Variants in CYP7B1 observed in about 807,000 individuals in gnomAD.
CYP7B1 encodes the protein cytochrome P450 7B1.
CYP7B1 carries 29 observed loss-of-function variants against 42.7 expected under a neutral mutation model. The observed-to-expected ratio is 0.68, with a 90% CI of 0.51 to 0.93. CYP7B1 has a LOEUF of 0.93. CYP7B1 is among the 40% of genes least tolerant of loss of function. The pLI is 0.00. For missense variants in CYP7B1, 655 were observed against 600.5 expected, an observed-to-expected ratio of 1.09 and a Z score of -0.95; for synonymous variants, 235 against 218.2, an observed-to-expected ratio of 1.08 and a Z score of -0.68.
At chr8:64,767,695 A>G (rs189192863) in intron 1 of CYP7B1, among the ~76,000 whole-genome samples, 1 of 152,244 alleles carries the variant, frequency 6.6e-6, no homozygotes, top group Non-Finnish European at 1.5e-5. Flanking sequence ...CCTGTGAAGT[A>G]TGCCAAAGAA....
chr8:64,616,095 G>T lies in CYP7B1; in HGVS notation c.446C>A (p.Ser149Tyr), dbSNP rs762965007. The change falls in exon 3 of 6, where the codon TCT becomes TAT. Residue 149 changes from serine (S) to tyrosine (Y), a missense_variant. By Grantham distance (144) the Ser-to-Tyr change is moderately radical. Coordinates refer to ENST00000310193, the MANE Select transcript of CYP7B1 (RefSeq NM_004820.5). ...CATGCTTTCCAAGAGTATGTCCAAA[G>T]ATTTGCCTTGCAAAAATTGATAGCA... ...HLCYQFLQGKSLDILLESMMQ... is the reference protein window; with the variant it reads ...HLCYQFLQGKYLDILLESMMQ... The T allele has an allele frequency of 6.2e-6, 10 of 1,613,550 alleles. No individual in the cohort carries two copies. The highest frequency in any genetic ancestry group is 3.3e-5 in the South Asian group (3 of 91,074).
intron 1 of CYP7B1, among the ~76,000 whole-genome samples, chr8:64,731,763 G>C (rs563951018): frequency 6.6e-6 from 1 of 152,298 alleles, no homozygotes; most frequent in South Asian, 2.1e-4. Context: ...TTTAGATTTG[G>C]TGACATGGTG....
intron 1 of CYP7B1, among the ~76,000 whole-genome samples, chr8:64,674,393 C>G (rs1007687110): frequency 2.1e-4 from 32 of 152,236 alleles, no homozygotes; most frequent in African/African-American, 7.7e-4. Flanking sequence ...ATTTCCTTGT[C>G]TGTCAATGCC....
At chr8:64,736,536 C>T (rs1025130276) in intron 1 of CYP7B1, among the ~76,000 whole-genome samples, 65 of 152,074 alleles carry the variant, frequency 4.3e-4, no homozygotes, top group African/African-American at 1.4e-3. Flanking sequence ...CTGCAACCTC[C>T]GCCTCCTGGA....
At chr8:64,619,743 C>T (rs1339829021) in intron 2 of CYP7B1, among the ~76,000 whole-genome samples, 1 of 152,098 alleles carries the variant, frequency 6.6e-6, no homozygotes, top group African/African-American at 2.4e-5. Context: ...CTACATAATT[C>T]AAAGTATGTT....
At chr8:64,641,115 T>C (rs567947248) in intron 1 of CYP7B1, among the ~76,000 whole-genome samples, 1 of 152,312 alleles carries the variant, frequency 6.6e-6, no homozygotes, top group East Asian at 1.9e-4. Flanking sequence ...TATTCAACGC[T>C]GGTTACCTGA....
chr8:64,644,363 A>G (rs1339171765), intron 1 of CYP7B1, among the ~76,000 whole-genome samples: 1 of 152,112 alleles, frequency 6.6e-6, no homozygotes, highest in Non-Finnish European at 1.5e-5. Context: ...AAATGCTCTT[A>G]ATGGCATCTA....
At chr8:64,787,306 G>A (rs1454863686) in intron 1 of CYP7B1, among the ~76,000 whole-genome samples, 9 of 152,028 alleles carry the variant, frequency 5.9e-5, no homozygotes, top group Non-Finnish European at 1.0e-4. Flanking sequence ...GCTTCCTCTT[G>A]AACACATTGC....
intron 1 of CYP7B1, among the ~76,000 whole-genome samples, chr8:64,643,182 CATAT>C (rs139294788): frequency 2.9e-5 from 4 of 139,374 alleles, no homozygotes; most frequent in South Asian, 2.3e-4. Context: ...CATATATATA[CATAT>C]ATATATACAC....
intron 1 of CYP7B1, among the ~76,000 whole-genome samples, chr8:64,686,307 G>A (rs1203725029): frequency 2.5e-4 from 10 of 40,328 alleles, no homozygotes; most frequent in African/African-American, 4.1e-4. Context: ...CCGGCCAGCC[G>A]CCCCGTCCGG....
Position 64,698,766 on chromosome 8 carries a change from A to G in CYP7B1, c.123-74227T>C, listed in dbSNP as rs546488894. ...TGTACACTCTGAAGACAGCACAGGA[A>G]GTAGGTTTTCATTAAAAAGAATGAC... On this transcript the variant is annotated intron_variant, in intron 1 of 5. Transcript: ENST00000310193. 2.0e-5 allele frequency among the ~76,000 whole-genome samples: 3 copies of G among 152,314 alleles called. No homozygotes were observed. In the South Asian group the frequency reaches 6.2e-4, roughly 32 times the overall value.
intron 5 of CYP7B1, among the ~76,000 whole-genome samples, chr8:64,601,701 A>G (rs1394631834): frequency 6.6e-6 from 1 of 152,174 alleles, no homozygotes; most frequent in African/African-American, 2.4e-5. Context: ...TGTGTTTTAA[A>G]TTTCATTTTT....
rs561965523 is a variant in CYP7B1, at chr8:64,624,839, C to A, written c.123-300G>T. ...TTGTGATTTCTGAGATTTTGGTTTACCCATCACCCGAGCAATGTAACTGTA... is the reference window on the plus strand; with the variant it reads ...TTGTGATTTCTGAGATTTTGGTTTAACCATCACCCGAGCAATGTAACTGTA... On this transcript the variant is annotated intron_variant, in intron 1 of 5. Coordinates refer to ENST00000310193, the MANE Select transcript of CYP7B1 (RefSeq NM_004820.5). Among the ~76,000 whole-genome samples, 14 of 151,764 alleles carry A rather than the reference C, an allele frequency of 9.2e-5. 1 individual carries two copies. Among genetic ancestry groups the A allele is most frequent in the Non-Finnish European group, 1.5e-4 (10 of 67,976 alleles).
At chr8:64,651,088 C>T in intron 1 of CYP7B1, among the ~76,000 whole-genome samples, 1 of 152,188 alleles carries the variant, frequency 6.6e-6, no homozygotes, top group Admixed American at 6.5e-5. Flanking sequence ...GTATTCTGAT[C>T]ACATGAGCTT....
In CYP7B1 at chr8:64,591,083, C is replaced by A. The variant is rs1805027300; in HGVS notation, c.*5559G>T. ...AAATATTTTAAAACATAAGTATTGA[C>A]AAATTATAACCTATTTTAAATTGTG... is the stretch of plus-strand genomic sequence containing the variant. On this transcript the variant is annotated 3_prime_UTR_variant, in exon 6 of 6. Transcript: ENST00000310193. Among the ~76,000 whole-genome samples, 1 of 152,010 alleles carries A rather than the reference C, an allele frequency of 6.6e-6. No individual in the cohort carries two copies. The highest frequency in any genetic ancestry group is 2.4e-5 in the African/African-American group (1 of 41,406).
At chr8:64,727,339 A>C (rs991009492) in intron 1 of CYP7B1, among the ~76,000 whole-genome samples, 6 of 152,194 alleles carry the variant, frequency 3.9e-5, no homozygotes, top group African/African-American at 9.6e-5. Context: ...CAAATGACAT[A>C]ATTCCCTAGC....
chr8:64,716,742 C>T (rs929234792), intron 1 of CYP7B1, among the ~76,000 whole-genome samples: 16 of 152,068 alleles, frequency 1.1e-4, no homozygotes, highest in South Asian at 2.1e-4. Context: ...TGTAATACTC[C>T]AATTCTTTAA....
downstream of CYP7B1, chr8:64,589,738 G>A (rs1343535555): frequency 1.3e-5 from 2 of 152,098 alleles, no homozygotes; most frequent in Non-Finnish European, 2.9e-5. Context: ...CAACTAATAT[G>A]TTTCATATTT....
intron 1 of CYP7B1, among the ~76,000 whole-genome samples, chr8:64,740,278 C>A (rs1474768408): frequency 6.6e-6 from 1 of 151,964 alleles, no homozygotes; most frequent in Non-Finnish European, 1.5e-5. Flanking sequence ...GCTGAAAAAT[C>A]TCCACATATT....
Sources: allele counts gnomAD v4.1 joint callset (sites outside exome capture counted in the v4.1 genomes callset), GRCh38; gene constraint gnomAD v4.1.1; transcripts MANE v1.5; gene names NCBI Gene and HGNC (gene_info 2026-07-23, HGNC 2026-07-21).